The following KIF6 variants were observed in gnomAD, a reference collection of about 807,000 sequenced individuals.
The protein encoded by KIF6 is kinesin-like protein KIF6.
A neutral mutation model predicts 112.7 loss-of-function variants in KIF6; 106 were observed. The observed-to-expected ratio is 0.94, with a 90% CI of 0.80 to 1.11. KIF6 has a LOEUF of 1.11. KIF6 is among the 50% of genes least tolerant of loss of function. KIF6 has a pLI of 0.00. For missense variants in KIF6, 929 were observed against 964.0 expected (o/e 0.96, Z 0.48); for synonymous variants, 339 against 339.9 (o/e 1.00, Z 0.03).
At chr6:39,548,953 T>C (rs183135394) in intron 10 of KIF6, among the ~76,000 whole-genome samples, 1 of 152,272 alleles carries the variant, frequency 6.6e-6, no homozygotes, top group East Asian at 1.9e-4. Context: ...ATACACACCA[T>C]TCAGTAACAA....
chr6:39,558,592 C>G (rs1779844810), intron 10 of KIF6, among the ~76,000 whole-genome samples: 1 of 152,136 alleles, frequency 6.6e-6, no homozygotes, highest in Non-Finnish European at 1.5e-5. Flanking sequence ...TTTCCTGGAG[C>G]TCACAAAACC....
chr6:39,436,065 G>A (rs1298222463), intron 13 of KIF6, among the ~76,000 whole-genome samples: 1 of 152,108 alleles, frequency 6.6e-6, no homozygotes, highest in Non-Finnish European at 1.5e-5. Context: ...TCTGGCTGGG[G>A]TAAGATGGTA....
At chr6:39,698,075 A>G (rs947023630) in intron 3 of KIF6, among the ~76,000 whole-genome samples, 11 of 152,358 alleles carry the variant, frequency 7.2e-5, no homozygotes, top group Admixed American at 3.9e-4. Flanking sequence ...GACTATTGCC[A>G]TGATTTTCAT....
In KIF6 at chr6:39,345,713, GGGTGCT is replaced by G; in HGVS notation, c.2302_2307del (p.Ser768_Thr769del). The G allele has an allele frequency of 1.9e-6, 3 of 1,613,450 alleles. No individual in the cohort carries two copies. The highest frequency in any genetic ancestry group is 2.5e-6 in the Non-Finnish European group (3 of 1,179,790). The stretch of plus-strand genomic sequence containing the variant: ...AAGACCACAGACCTGTCTTCCAGTG[GGGTGCT>G]GGTGCTGCTCTGTTTCTGGCTGTGT... On this transcript the variant is annotated inframe_deletion, in exon 21 of 23. Coordinates refer to ENST00000287152, the MANE Select transcript of KIF6 (RefSeq NM_145027.6).
At chr6:39,659,479 C>T (rs148196546) in intron 3 of KIF6, among the ~76,000 whole-genome samples, 19 of 152,234 alleles carry the variant, frequency 1.2e-4, no homozygotes, top group South Asian at 1.0e-3. Flanking sequence ...TCAAGTGATA[C>T]GGTTTGGGTG....
intron 13 of KIF6, among the ~76,000 whole-genome samples, chr6:39,454,678 C>T (rs563468937): frequency 6.6e-4 from 101 of 152,286 alleles, no homozygotes; most frequent in Admixed American, 1.2e-3. Flanking sequence ...GTGCGCGAGC[C>T]GAAGCAGGGC....
intron 13 of KIF6, among the ~76,000 whole-genome samples, chr6:39,527,346 T>C (rs1777794203): frequency 6.6e-6 from 1 of 152,150 alleles, no homozygotes; most frequent in South Asian, 2.1e-4. Flanking sequence ...TCCTCTCCTC[T>C]TCTTTGTTTC....
At chr6:39,634,709 C>A in intron 5 of KIF6, 140 bp downstream of exon 5, 2 of 662,116 alleles carry the variant, frequency 3.0e-6, no homozygotes, top group Non-Finnish European at 2.7e-6. Context: ...AAAAAAAATC[C>A]ATTATATTAC....
intron 16 of KIF6, among the ~76,000 whole-genome samples, chr6:39,367,576 C>T (rs966199120): frequency 6.6e-6 from 1 of 152,080 alleles, no homozygotes; most frequent in Non-Finnish European, 1.5e-5. Context: ...ACTGAAGCTT[C>T]AAGTTGGGAG....
At chr6:39,605,011 T>C (rs1782806655) in intron 6 of KIF6, among the ~76,000 whole-genome samples, 1 of 152,164 alleles carries the variant, frequency 6.6e-6, no homozygotes, top group Non-Finnish European at 1.5e-5. Flanking sequence ...CTAAGTCGGC[T>C]AAATTGTGGT....
In KIF6 at chr6:39,376,853, C is replaced by G. The variant is rs566729405; in HGVS notation, c.1861+8769G>C. On this transcript the variant is annotated intron_variant, in intron 16 of 22. Transcript: ENST00000287152. The stretch of plus-strand genomic sequence containing the variant: ...TATATTAAAAGCTGCAGAACTCTTT[C>G]TTCAAATACAAGCTTAATGGAAAGA... Among the ~76,000 whole-genome samples, 6 of 152,242 alleles carry G rather than the reference C, an allele frequency of 3.9e-5. No homozygotes were observed. In the East Asian group the frequency reaches 5.8e-4, roughly 15 times the overall value.
chr6:39,376,434 G>C (rs1373815785), intron 16 of KIF6, among the ~76,000 whole-genome samples: 1 of 152,196 alleles, frequency 6.6e-6, no homozygotes, highest in African/African-American at 2.4e-5. Flanking sequence ...GGCCAGCTAA[G>C]CCTCAGGAAC....
At chr6:39,629,082 C>T (rs1355284342) in intron 5 of KIF6, among the ~76,000 whole-genome samples, 1 of 152,060 alleles carries the variant, frequency 6.6e-6, no homozygotes, top group Non-Finnish European at 1.5e-5. Flanking sequence ...TATTGATGAA[C>T]ATCTTGGTTC....
intron 1 of KIF6, among the ~76,000 whole-genome samples, chr6:39,724,725 C>T (rs1006305458): frequency 6.6e-6 from 1 of 152,190 alleles, no homozygotes; most frequent in Non-Finnish European, 1.5e-5. Flanking sequence ...TGAGGCCCCA[C>T]TGGGTGCAAA....
rs138053278 is a variant in KIF6 at position 39,423,852 on chromosome 6, G to A, written c.1755-3849C>T. Among the ~76,000 whole-genome samples, 11 of 152,204 alleles carry A rather than the reference G, an allele frequency of 7.2e-5. No homozygotes were observed. The East Asian group carries it at 1.7e-3, about 24-fold the overall frequency. On this transcript the variant is annotated intron_variant, in intron 14 of 22. Coordinates refer to ENST00000287152, the MANE Select transcript of KIF6 (RefSeq NM_145027.6). The stretch of plus-strand genomic sequence containing the variant: ...AGCTCCAACTGCCTGAGAGCAGAAC[G>A]CTGCCATCTCTCCCAGATTATTGCA...
intron 19 of KIF6, among the ~76,000 whole-genome samples, chr6:39,356,055 T>C (rs1331881126): frequency 6.8e-6 from 1 of 147,630 alleles, no homozygotes; most frequent in Non-Finnish European, 1.5e-5. Flanking sequence ...TGTGTCTCCC[T>C]AGGCTCCTCT....
At chr6:39,531,381 G>A (rs973956751) in intron 13 of KIF6, among the ~76,000 whole-genome samples, 7 of 152,148 alleles carry the variant, frequency 4.6e-5, no homozygotes, top group Non-Finnish European at 5.9e-5. Context: ...ATGCTGTGGG[G>A]AAGAAGAATT....
intron 3 of KIF6, among the ~76,000 whole-genome samples, chr6:39,650,460 C>T (rs1197003919): frequency 1.3e-5 from 2 of 151,898 alleles, no homozygotes; most frequent in East Asian, 3.9e-4. Flanking sequence ...AAAGTGAGGG[C>T]TGCATTTTTA....
intron 19 of KIF6, among the ~76,000 whole-genome samples, chr6:39,355,112 G>C (rs1002398957): frequency 5.9e-5 from 9 of 152,120 alleles, no homozygotes; most frequent in Non-Finnish European, 8.8e-5. Flanking sequence ...CCTGAGCCCA[G>C]GAGGTCGAGG....
Sources: allele counts gnomAD v4.1 joint callset (sites outside exome capture counted in the v4.1 genomes callset), GRCh38; gene constraint gnomAD v4.1.1; transcripts MANE v1.5; gene names NCBI Gene and HGNC (gene_info 2026-07-23, HGNC 2026-07-21).